The following NPFFR2 variants were observed in gnomAD, a reference collection of about 807,000 sequenced individuals.
NPFFR2 encodes the protein G-protein coupled receptor 74.
In NPFFR2, 15 loss-of-function variants were observed where a neutral mutation model predicts 13.1. The observed-to-expected ratio is 1.15, with a 90% confidence interval of 0.77 to 1.76. The LOEUF is 1.76. Among genes scored for constraint, NPFFR2 ranks in the 40% most tolerant of loss-of-function variants. The pLI, the probability that NPFFR2 is intolerant of heterozygous loss-of-function variation, is 0.00. For missense variants in NPFFR2, 572 were observed against 503.5 expected (o/e 1.14, Z -1.30); for synonymous variants, 190 against 175.7 (o/e 1.08, Z -0.65).
At chr4:72,082,792 C>T (rs1720665721) in intron 1 of NPFFR2, among the ~76,000 whole-genome samples, 1 of 152,048 alleles carries the variant, frequency 6.6e-6, no homozygotes, top group Admixed American at 6.6e-5. Context: ...ATCCTTTGAT[C>T]AACATCTCCC....
Position 72,032,122 on chromosome 4 carries a change from G to T in NPFFR2, c.-86G>T. ...CAGACTGCGAAAAGTAGCTGGAGCC[G>T]GAGCAGGGACAGAACCTGTTGCTGC... On this transcript the variant is annotated 5_prime_UTR_variant, in exon 1 of 4. Coordinates refer to ENST00000308744, the MANE Select transcript of NPFFR2 (RefSeq NM_004885.3). 6.2e-7 allele frequency: 1 copy of T among 1,614,076 alleles called. No homozygotes were observed. Among genetic ancestry groups the T allele is most frequent in the Non-Finnish European group, 8.5e-7 (1 of 1,179,994 alleles).
At chr4:72,069,423 T>C (rs1475243381) in intron 1 of NPFFR2, among the ~76,000 whole-genome samples, 2 of 152,064 alleles carry the variant, frequency 1.3e-5, no homozygotes, top group African/African-American at 4.8e-5. Context: ...AAATAAAATA[T>C]AAATTTAAAA....
intron 1 of NPFFR2, among the ~76,000 whole-genome samples, chr4:72,098,726 G>A (rs1274622964): frequency 6.6e-6 from 1 of 152,114 alleles, no homozygotes; most frequent in Non-Finnish European, 1.5e-5. Flanking sequence ...AGGGATCTGG[G>A]CTTCTTCTGT....
At chr4:72,061,860 G>A (rs928869407) in intron 1 of NPFFR2, among the ~76,000 whole-genome samples, 4 of 151,930 alleles carry the variant, frequency 2.6e-5, no homozygotes, top group African/African-American at 9.7e-5. Flanking sequence ...TAGATAATGG[G>A]TTGATAGGTG....
chr4:72,134,471 C>T (rs1722348297), intron 2 of NPFFR2, among the ~76,000 whole-genome samples: 1 of 151,460 alleles, frequency 6.6e-6, no homozygotes, highest in Non-Finnish European at 1.5e-5. Flanking sequence ...CATTCATACA[C>T]TTCACCTTCT....
At position 72,079,053 on chromosome 4, in the gene NPFFR2, AACAC is replaced by A. The variant is rs59522916; in HGVS notation, c.-8+46885_-8+46888del. ...ATGTGTTATAAAATGCATAGAACTA[AACAC>A]ACACACACACACACACACACACACA... is the stretch of plus-strand genomic sequence containing the variant. On this transcript the variant is annotated intron_variant, in intron 1 of 3. Transcript: ENST00000308744. Among the ~76,000 whole-genome samples the A allele has an allele frequency of 3.2e-3, 439 of 139,186 alleles. 5 individuals are homozygous for A. The highest frequency in any genetic ancestry group is 0.031 in the East Asian group (152 of 4,892). The allele number at this position is 139,186 out of a possible 152,430, so 91.3% of individuals were successfully genotyped here.
At chr4:72,035,296 G>T (rs937323678) in intron 1 of NPFFR2, among the ~76,000 whole-genome samples, 7 of 152,218 alleles carry the variant, frequency 4.6e-5, no homozygotes, top group Admixed American at 6.5e-5. Flanking sequence ...ATGTTTTTAA[G>T]GCACCCATCT....
At chr4:72,110,846 C>A (rs1226802840) in intron 1 of NPFFR2, among the ~76,000 whole-genome samples, 4 of 151,972 alleles carry the variant, frequency 2.6e-5, no homozygotes, top group Admixed American at 2.6e-4. Context: ...CTCCAAAAAT[C>A]CTTTAGCAAT....
At chr4:72,125,852 C>T (rs1371666139) in intron 1 of NPFFR2, among the ~76,000 whole-genome samples, 1 of 152,188 alleles carries the variant, frequency 6.6e-6, no homozygotes, top group Non-Finnish European at 1.5e-5. Flanking sequence ...CCTTAATTCC[C>T]CTCTGTCATG....
intron 1 of NPFFR2, among the ~76,000 whole-genome samples, chr4:72,109,739 A>T (rs1026973821): frequency 6.6e-6 from 1 of 151,924 alleles, no homozygotes; most frequent in African/African-American, 2.4e-5. Context: ...ATGAATGCCC[A>T]TTCCCTTGAC....
intron 1 of NPFFR2, among the ~76,000 whole-genome samples, chr4:72,081,007 C>T (rs1720601714): frequency 6.6e-6 from 1 of 152,148 alleles, no homozygotes; most frequent in Non-Finnish European, 1.5e-5. Flanking sequence ...TCTAAGGAAG[C>T]TCAACTTGCT....
intron 1 of NPFFR2, among the ~76,000 whole-genome samples, chr4:72,108,367 A>T (rs553052331): frequency 1.3e-5 from 2 of 152,080 alleles, no homozygotes; most frequent in Non-Finnish European, 1.5e-5. Context: ...ATTCATTTCA[A>T]TCATCAGTCT....
intron 2 of NPFFR2, among the ~76,000 whole-genome samples, chr4:72,132,955 C>T (rs1045406731): frequency 1.3e-5 from 2 of 152,090 alleles, no homozygotes; most frequent in Non-Finnish European, 2.9e-5. Flanking sequence ...TGTCTCTTTA[C>T]TCTGTTGATA....
intron 1 of NPFFR2, among the ~76,000 whole-genome samples, chr4:72,119,428 T>C (rs370946057): frequency 5.3e-5 from 8 of 152,312 alleles, no homozygotes; most frequent in Admixed American, 3.9e-4. Flanking sequence ...ATTTAATACA[T>C]AGAGAAGCTG....
intron 1 of NPFFR2, among the ~76,000 whole-genome samples, chr4:72,035,502 C>CA (rs888499356): frequency 2.0e-5 from 3 of 151,918 alleles, no homozygotes; most frequent in Admixed American, 6.6e-5. Flanking sequence ...GTTTAGCCCC[C>CA]CCTAAAAAAG....
At chr4:72,128,502 G>A in intron 1 of NPFFR2, 83 bp from the exon 2 acceptor site, 1 of 762,068 alleles carries the variant, frequency 1.3e-6, no homozygotes, top group Non-Finnish European at 2.1e-6. Flanking sequence ...CATTTTACAA[G>A]TGTTCCTCTT....
intron 3 of NPFFR2, among the ~76,000 whole-genome samples, chr4:72,140,398 CA>C (rs1324606785): frequency 4.1e-4 from 62 of 152,042 alleles, no homozygotes; most frequent in Non-Finnish European, 7.8e-4. Flanking sequence ...GTGGGTTTGT[CA>C]AAAAATAGCT....
chr4:72,117,478 A>G (rs1179866966), intron 1 of NPFFR2, among the ~76,000 whole-genome samples: 2 of 152,200 alleles, frequency 1.3e-5, no homozygotes, highest in South Asian at 2.1e-4. Context: ...CAGCAACCAT[A>G]ACATTACTGA....
chr4:72,034,190 T>C (rs1361186241), intron 1 of NPFFR2, among the ~76,000 whole-genome samples: 1 of 152,208 alleles, frequency 6.6e-6, no homozygotes, highest in Non-Finnish European at 1.5e-5. Context: ...GGAATAAATA[T>C]AATCTCACAT....
Sources: allele counts gnomAD v4.1 joint callset (sites outside exome capture counted in the v4.1 genomes callset), GRCh38; gene constraint gnomAD v4.1.1; transcripts MANE v1.5; gene names NCBI Gene and HGNC (gene_info 2026-07-23, HGNC 2026-07-21).